The following ANKFN1 variants were observed in gnomAD, a reference collection of about 807,000 sequenced individuals.
The protein encoded by ANKFN1 is ankyrin repeat and fibronectin type-III domain-containing protein 1.
Under a neutral mutation model 108.7 loss-of-function variants are expected in ANKFN1, and 74 were observed. The ratio of observed to expected loss-of-function variants is 0.68; its 90% confidence interval spans 0.56 to 0.83. The LOEUF (loss-of-function observed/expected upper bound fraction) is 0.83. ANKFN1 is among the 40% of genes least tolerant of loss of function. ANKFN1 has a pLI of 0.00. For missense variants in ANKFN1, 1,505 were observed against 1,382.3 expected (o/e 1.09, Z -1.41); for synonymous variants, 547 against 516.2 (o/e 1.06, Z -0.81).
At chr17:56,152,258 A>ATGTGTGTGTGTGTG (rs1211660209), upstream of ANKFN1, among the ~76,000 whole-genome samples, 2 of 84,510 alleles carry the variant, frequency 2.4e-5, no homozygotes, top group Non-Finnish European at 5.2e-5. Context: ...ATATATATAT[A>ATGTGTGTGTGTGTG]TATATGTGTG....
intron 10 of ANKFN1, among the ~76,000 whole-genome samples, chr17:56,448,036 C>T (rs911053123): frequency 4.6e-5 from 7 of 152,084 alleles, no homozygotes; most frequent in Admixed American, 2.0e-4. Context: ...GAAAGAGACC[C>T]CGTATTTTAA....
intron 4 of ANKFN1, among the ~76,000 whole-genome samples, chr17:56,094,272 G>A (rs1044233390): frequency 2.7e-5 from 4 of 150,836 alleles, no homozygotes; most frequent in Non-Finnish European, 4.4e-5. Flanking sequence ...GCAACCCTAG[G>A]AAACTAATGC....
At chr17:56,420,683 CTTTT>C (rs755355387) in intron 8 of ANKFN1, among the ~76,000 whole-genome samples, 2 of 119,608 alleles carry the variant, frequency 1.7e-5, no homozygotes, top group African/African-American at 6.2e-5. Context: ...CTGACTCCTT[CTTTT>C]TTTTTTTTTT....
At chr17:56,068,376 G>A (rs1174130403) in intron 4 of ANKFN1, among the ~76,000 whole-genome samples, 3 of 152,216 alleles carry the variant, frequency 2.0e-5, no homozygotes, top group Admixed American at 2.0e-4. Flanking sequence ...CTGGAAGAAG[G>A]AAGGAGTTGC....
At chr17:56,332,979 G>GTATATATATATATATATA (rs61494269) in intron 4 of ANKFN1, among the ~76,000 whole-genome samples, 121 of 147,806 alleles carry the variant, frequency 8.2e-4, no homozygotes, top group African/African-American at 3.0e-3. Context: ...ATATATGTGT[G>GTATATATATATATATATA]TATATATATA....
At chr17:56,453,324 T>C (rs562936700) in intron 11 of ANKFN1, among the ~76,000 whole-genome samples, 1 of 152,320 alleles carries the variant, frequency 6.6e-6, no homozygotes, top group East Asian at 1.9e-4. Context: ...ATAAATTATA[T>C]GATTATTTTC....
At chr17:56,142,982 T>C (rs942363976) in intron 4 of ANKFN1, among the ~76,000 whole-genome samples, 13 of 152,128 alleles carry the variant, frequency 8.5e-5, no homozygotes, top group Admixed American at 7.9e-4. Flanking sequence ...CAGGAATGCA[T>C]TTGGAGGCTG....
At chr17:56,386,584 T>G (rs1373297011) in intron 8 of ANKFN1, among the ~76,000 whole-genome samples, 1 of 31,530 alleles carries the variant, frequency 3.2e-5, no homozygotes, top group Non-Finnish European at 1.3e-4. Flanking sequence ...TCATGAGTTT[T>G]TTTTTTTTTT....
chr17:56,416,113 A>C (rs1238514280), intron 8 of ANKFN1, among the ~76,000 whole-genome samples: 3 of 152,238 alleles, frequency 2.0e-5, no homozygotes, highest in Admixed American at 1.3e-4. Flanking sequence ...AATTAGTACA[A>C]GATAACACTG....
chr17:56,450,693 C>T (rs2145206234), intron 11 of ANKFN1, among the ~76,000 whole-genome samples: 1 of 152,270 alleles, frequency 6.6e-6, no homozygotes, highest in Middle Eastern at 3.4e-3. Flanking sequence ...CCATTGGTTC[C>T]TGTGTGACAG....
chr17:56,229,865 T>G (rs1421738886), intron 3 of ANKFN1, among the ~76,000 whole-genome samples: 1 of 152,004 alleles, frequency 6.6e-6, no homozygotes, highest in Non-Finnish European at 1.5e-5. Context: ...AAAATGGGTC[T>G]ACCCAGCTCC....
intron 1 of ANKFN1, among the ~76,000 whole-genome samples, chr17:56,189,520 G>C (rs992168374): frequency 6.6e-6 from 1 of 152,140 alleles, no homozygotes; most frequent in Non-Finnish European, 1.5e-5. Flanking sequence ...TGTGAGGAAG[G>C]GGATGCAGGG....
At chr17:56,253,738 C>G (rs1455926549) in intron 3 of ANKFN1, among the ~76,000 whole-genome samples, 1 of 151,734 alleles carries the variant, frequency 6.6e-6, no homozygotes, top group East Asian at 1.9e-4. Context: ...GATCTTGTCT[C>G]AAAAAAATAA....
At chr17:56,440,570 C>T in intron 9 of ANKFN1, 146 bp downstream of exon 9, 1 of 579,442 alleles carries the variant, frequency 1.7e-6, no homozygotes, top group Non-Finnish European at 3.1e-6. Context: ...TGTCTGGTAT[C>T]TAGAATCTGA....
At chr17:56,093,516 A>G (rs1478742885) in intron 4 of ANKFN1, among the ~76,000 whole-genome samples, 1 of 151,250 alleles carries the variant, frequency 6.6e-6, no homozygotes, top group Admixed American at 6.6e-5. Flanking sequence ...AACGGCACCC[A>G]GGAATAAAAA....
In ANKFN1 at chr17:56,512,754, T is replaced by A. The variant is rs893363854; in HGVS notation, c.*1485T>A. Among the ~76,000 whole-genome samples, 3 of 152,260 alleles carry A rather than the reference T, an allele frequency of 2.0e-5. No homozygotes were observed. In the East Asian group the frequency reaches 5.8e-4, roughly 29 times the overall value. Reference sequence around the variant, plus strand: ...ACAAAGTCCCCTGTTCACAATGTTATTCTGATCCCTTCCATTTTAAAAACA... The same window carrying A: ...ACAAAGTCCCCTGTTCACAATGTTAATCTGATCCCTTCCATTTTAAAAACA... On this transcript the variant is annotated 3_prime_UTR_variant, in exon 21 of 21. Transcript: ENST00000682825.
intron 14 of ANKFN1, among the ~76,000 whole-genome samples, chr17:56,464,838 G>T (rs1414601260): frequency 6.6e-6 from 1 of 152,124 alleles, no homozygotes; most frequent in Non-Finnish European, 1.5e-5. Flanking sequence ...GACCAGAGAG[G>T]GTAAATAATT....
At chr17:56,154,741 G>A (rs1908937080) in intron 1 of ANKFN1, among the ~76,000 whole-genome samples, 1 of 152,024 alleles carries the variant, frequency 6.6e-6, no homozygotes, top group Non-Finnish European at 1.5e-5. Flanking sequence ...TTTTGCCCCT[G>A]ATTCTAACCA....
intron 8 of ANKFN1, among the ~76,000 whole-genome samples, chr17:56,385,865 T>C (rs1163568428): frequency 2.0e-5 from 3 of 152,178 alleles, no homozygotes; most frequent in African/African-American, 7.2e-5. Context: ...ACTTTTACAC[T>C]GTTGGTGGGA....
Sources: allele counts gnomAD v4.1 joint callset (sites outside exome capture counted in the v4.1 genomes callset), GRCh38; gene constraint gnomAD v4.1.1; transcripts MANE v1.5; gene names NCBI Gene and HGNC (gene_info 2026-07-23, HGNC 2026-07-21).